Variants in EYS observed in about 807,000 individuals in gnomAD.
EYS encodes the protein EGF-like photoreceptor maintenance factor, also known as protein eyes shut homolog.
A neutral mutation model predicts 282.1 loss-of-function variants in EYS; 250 were observed. The observed-to-expected ratio is 0.89, with a 90% CI of 0.80 to 0.98. EYS has a LOEUF of 0.98. Among genes scored for constraint, EYS ranks in the 50% least tolerant of loss-of-function variants. The probability of loss-of-function intolerance (pLI) is 0.00; values close to 1 mark genes in which losing one functional copy is unlikely to be tolerated. For missense variants in EYS, 4,016 were observed against 3,709.0 expected (o/e 1.08, Z -2.15); for synonymous variants, 1,355 against 1,282.9 (o/e 1.06, Z -1.20).
At chr6:64,486,762 C>A (rs756304010) in intron 26 of EYS, among the ~76,000 whole-genome samples, 2 of 151,224 alleles carry the variant, frequency 1.3e-5, no homozygotes, top group Non-Finnish European at 3.0e-5. Flanking sequence ...TCTAATTCAG[C>A]CTGTGGCTGC....
chr6:64,660,275 A>G (rs1465226934), intron 22 of EYS, among the ~76,000 whole-genome samples: 3 of 152,108 alleles, frequency 2.0e-5, no homozygotes, highest in Admixed American at 1.3e-4. Context: ...CCCACAGCCA[A>G]TATCATACTG....
At chr6:64,891,611 C>T (rs189646168) in intron 18 of EYS, among the ~76,000 whole-genome samples, 2 of 152,166 alleles carry the variant, frequency 1.3e-5, no homozygotes, top group East Asian at 1.9e-4. Flanking sequence ...ATTTTCCTTT[C>T]GCTATTACCT....
chr6:63,726,682 T>C lies in EYS; in HGVS notation c.8072-2A>G. On this transcript the variant is annotated splice_acceptor_variant, in intron 41 of 42. Coordinates refer to ENST00000503581, the MANE Select transcript of EYS (RefSeq NM_001142800.2). LOFTEE classifies it high-confidence loss of function. The stretch of plus-strand genomic sequence containing the variant: ...AAGATGGATCACTTATGGATAAAGC[T>C]GAGGGAAGGAGAGAAAGAGAACTCT... 6.5e-7 allele frequency: 1 copy of C among 1,550,326 alleles called. No individual in the cohort carries two copies. Among genetic ancestry groups the C allele is most frequent in the African/African-American group, 1.4e-5 (1 of 73,126 alleles).
intron 22 of EYS, among the ~76,000 whole-genome samples, chr6:64,758,927 A>C (rs558592018): frequency 5.9e-5 from 9 of 152,270 alleles, no homozygotes; most frequent in Admixed American, 2.0e-4. Flanking sequence ...TCACTAGGTC[A>C]GGAGATAGAG....
At chr6:65,476,174 C>A (rs903134230) in intron 5 of EYS, among the ~76,000 whole-genome samples, 1 of 152,094 alleles carries the variant, frequency 6.6e-6, no homozygotes, top group Non-Finnish European at 1.5e-5. Context: ...GTTCTAAACA[C>A]CAAATGGTGG....
intron 12 of EYS, among the ~76,000 whole-genome samples, chr6:65,076,677 AAT>A (rs960859498): frequency 8.5e-5 from 12 of 141,276 alleles, no homozygotes; most frequent in Non-Finnish European, 9.6e-5. Flanking sequence ...TATACACATA[AAT>A]ATATACACAC....
At chr6:65,416,527 T>A (rs943519117) in intron 5 of EYS, among the ~76,000 whole-genome samples, 2 of 152,038 alleles carry the variant, frequency 1.3e-5, no homozygotes, top group Non-Finnish European at 1.5e-5. Context: ...GTAGAAATCA[T>A]AATGGGGCTT....
At chr6:64,903,887 C>T (rs1018922779) in intron 16 of EYS, among the ~76,000 whole-genome samples, 10 of 151,758 alleles carry the variant, frequency 6.6e-5, no homozygotes, top group South Asian at 2.1e-4. Context: ...GCTGCCTCTT[C>T]GGTAGTATAT....
intron 32 of EYS, among the ~76,000 whole-genome samples, chr6:64,073,508 A>G (rs1231718457): frequency 6.6e-6 from 1 of 151,854 alleles, no homozygotes; most frequent in Admixed American, 6.6e-5. Context: ...TATTAAAGAC[A>G]ATTTTCAAAC....
At chr6:65,289,530 A>T (rs1410378717) in intron 12 of EYS, among the ~76,000 whole-genome samples, 1 of 151,118 alleles carries the variant, frequency 6.6e-6, no homozygotes, top group African/African-American at 2.4e-5. Context: ...ATGTATTCAG[A>T]TAATTCTTAC....
intron 5 of EYS, among the ~76,000 whole-genome samples, chr6:65,428,989 C>T (rs775014471): frequency 2.6e-5 from 4 of 151,768 alleles, no homozygotes; most frequent in Non-Finnish European, 5.9e-5. Context: ...TCGAGACCAG[C>T]CTGACAAACA....
chr6:63,788,053 C>CCCTCAACAT, intron 39 of EYS, 52 bp downstream of exon 39: 1 of 1,343,528 alleles, frequency 7.4e-7, no homozygotes. Context: ...ATATTTTTTT[C>CCCTCAACAT]CCTCAACATT....
intron 5 of EYS, among the ~76,000 whole-genome samples, chr6:65,429,077 G>A (rs1767775792): frequency 6.6e-6 from 1 of 152,084 alleles, no homozygotes; most frequent in Admixed American, 6.5e-5. Flanking sequence ...CTACTCGGGA[G>A]GCTGAGGCAG....
At chr6:65,224,932 C>T (rs949814191) in intron 12 of EYS, among the ~76,000 whole-genome samples, 1 of 151,970 alleles carries the variant, frequency 6.6e-6, no homozygotes, top group Non-Finnish European at 1.5e-5. Context: ...AAAACCTCCC[C>T]AAAAAGAAAA....
intron 34 of EYS, among the ~76,000 whole-genome samples, chr6:63,996,584 A>G (rs1275609253): frequency 2.6e-5 from 4 of 152,212 alleles, no homozygotes; most frequent in East Asian, 1.9e-4. Flanking sequence ...AAAAAAGAAA[A>G]CATCATATAA....
chr6:65,270,945 A>AATT (rs1767882362), intron 12 of EYS, among the ~76,000 whole-genome samples: 1 of 151,330 alleles, frequency 6.6e-6, no homozygotes, highest in South Asian at 2.1e-4. Context: ...CCCTCACCAG[A>AATT]ATTGTCTTTA....
chr6:64,557,133 C>T (rs1765258118), intron 26 of EYS, among the ~76,000 whole-genome samples: 1 of 151,226 alleles, frequency 6.6e-6, no homozygotes, highest in Non-Finnish European at 1.5e-5. Flanking sequence ...ATTCAGTTTG[C>T]CTAGAAGAGA....
chr6:65,439,363 G>GT (rs199874681), intron 5 of EYS, among the ~76,000 whole-genome samples: 28,168 of 151,976 alleles, frequency 0.19, 3,262 homozygotes, highest in Middle Eastern at 0.29. Flanking sequence ...CTTTAAAGTA[G>GT]TTTTTTTCCA....
intron 26 of EYS, among the ~76,000 whole-genome samples, chr6:64,547,174 A>G (rs570643697): frequency 1.3e-5 from 2 of 152,242 alleles, no homozygotes; most frequent in East Asian, 3.9e-4. Flanking sequence ...GAGCAGCAGC[A>G]AGATTTATTG....
Sources: allele counts gnomAD v4.1 joint callset (sites outside exome capture counted in the v4.1 genomes callset), GRCh38; gene constraint gnomAD v4.1.1; transcripts MANE v1.5; gene names NCBI Gene and HGNC (gene_info 2026-07-23, HGNC 2026-07-21).